The following CTNNA2 variants were observed in gnomAD, a reference collection of about 807,000 sequenced individuals.
The protein encoded by CTNNA2 is catenin alpha 2.
A neutral mutation model predicts 101.0 loss-of-function variants in CTNNA2; 42 were observed. The observed-to-expected ratio is 0.42, with a 90% confidence interval of 0.32 to 0.54. The LOEUF (loss-of-function observed/expected upper bound fraction) is 0.54, where lower values mean the gene tolerates loss of function less well. Ranked by LOEUF, CTNNA2 falls within the 20% of genes least tolerant of loss-of-function variation. CTNNA2 has a pLI of 0.14. For missense variants in CTNNA2, 871 were observed against 1,223.1 expected, an observed-to-expected ratio of 0.71 and a Z score of 4.29; for synonymous variants, 450 against 456.4, an observed-to-expected ratio of 0.99 and a Z score of 0.18.
At chr2:79,499,803 G>C (rs1671300158) in intron 4 of CTNNA2, among the ~76,000 whole-genome samples, 1 of 152,216 alleles carries the variant, frequency 6.6e-6, no homozygotes, top group Non-Finnish European at 1.5e-5. Context: ...TATTATCAGA[G>C]TTCTCCAGAG....
intron 7 of CTNNA2, among the ~76,000 whole-genome samples, chr2:80,238,712 A>G (rs1477003922): frequency 6.6e-6 from 1 of 152,172 alleles, no homozygotes; most frequent in Non-Finnish European, 1.5e-5. Context: ...GCTCTGAAAG[A>G]GAAATAGAGG....
chr2:79,280,515 C>G (rs966972165), intron 2 of CTNNA2, among the ~76,000 whole-genome samples: 2 of 151,896 alleles, frequency 1.3e-5, no homozygotes, highest in Non-Finnish European at 1.5e-5. Flanking sequence ...CTCCACTAGA[C>G]CAGTGATAAG....
chr2:79,729,179 C>G (rs1199752423), intron 2 of CTNNA2, among the ~76,000 whole-genome samples: 1 of 152,114 alleles, frequency 6.6e-6, no homozygotes, highest in Non-Finnish European at 1.5e-5. Flanking sequence ...GAATAAGTGG[C>G]TGGTCTGGGG....
intron 3 of CTNNA2, among the ~76,000 whole-genome samples, chr2:79,780,722 A>C (rs1021679055): frequency 6.6e-6 from 1 of 152,198 alleles, no homozygotes; most frequent in African/African-American, 2.4e-5. Context: ...AGTGCCATCT[A>C]TTATAAATTA....
At chr2:79,430,213 G>T (rs1237830561) in intron 4 of CTNNA2, among the ~76,000 whole-genome samples, 1 of 152,026 alleles carries the variant, frequency 6.6e-6, no homozygotes, top group Non-Finnish European at 1.5e-5. Context: ...ACACCAAAAA[G>T]GCTGTAATTC....
At chr2:79,265,939 C>T (rs191646689) in intron 2 of CTNNA2, among the ~76,000 whole-genome samples, 1 of 152,220 alleles carries the variant, frequency 6.6e-6, no homozygotes, top group East Asian at 1.9e-4. Context: ...TAGCAGATTA[C>T]TATTCTAGAG....
intron 12 of CTNNA2, among the ~76,000 whole-genome samples, chr2:80,566,295 C>CT (rs1284907009): frequency 2.6e-5 from 4 of 152,080 alleles, no homozygotes; most frequent in Non-Finnish European, 4.4e-5. Context: ...GGCATCCCAT[C>CT]TTTTTTTGCC....
chr2:80,519,990 A>T (rs1689404233), intron 9 of CTNNA2, among the ~76,000 whole-genome samples: 1 of 152,092 alleles, frequency 6.6e-6, no homozygotes, highest in Non-Finnish European at 1.5e-5. Context: ...TCTTTCTAAG[A>T]TGGGGTCACA....
At chr2:79,211,284 A>T (rs1674169016) in intron 2 of CTNNA2, among the ~76,000 whole-genome samples, 1 of 152,166 alleles carries the variant, frequency 6.6e-6, no homozygotes, top group Non-Finnish European at 1.5e-5. Flanking sequence ...GAGCTGAAAA[A>T]CACAGACTAT....
At chr2:79,254,514 C>T (rs1674816723) in intron 2 of CTNNA2, among the ~76,000 whole-genome samples, 1 of 152,196 alleles carries the variant, frequency 6.6e-6, no homozygotes, top group Non-Finnish European at 1.5e-5. Context: ...TCCTGCTTCG[C>T]CTTCTGCCAT....
At chr2:80,593,609 A>G (rs1209516810) in intron 15 of CTNNA2, among the ~76,000 whole-genome samples, 2 of 152,098 alleles carry the variant, frequency 1.3e-5, no homozygotes, top group East Asian at 1.9e-4. Context: ...TCTCCAGAAC[A>G]TGTTCATCTT....
intron 7 of CTNNA2, among the ~76,000 whole-genome samples, chr2:80,059,123 C>G (rs1697411337): frequency 6.6e-6 from 1 of 152,144 alleles, no homozygotes; most frequent in South Asian, 2.1e-4. Context: ...AAGGTAGACT[C>G]TTGGATTTAG....
Position 80,526,700 on chromosome 2 carries a change from T to G in CTNNA2, c.1291-18282T>G, listed in dbSNP as rs188672048. 3.8e-3 allele frequency among the ~76,000 whole-genome samples: 572 copies of G among 152,290 alleles called. 4 individuals carry two copies. The highest frequency in any genetic ancestry group is 0.012 in the African/African-American group (480 of 41,554). Reference sequence around the variant, plus strand: ...ATGACAGTACCTTCTTCGTGTGGTGTTCTGAGGATAAAACAAAAAAAGATA... The same window carrying G: ...ATGACAGTACCTTCTTCGTGTGGTGGTCTGAGGATAAAACAAAAAAAGATA... On this transcript the variant is annotated intron_variant, in intron 9 of 18. Coordinates refer to ENST00000402739, the MANE Select transcript of CTNNA2 (RefSeq NM_001282597.3).
intron 2 of CTNNA2, among the ~76,000 whole-genome samples, chr2:79,661,872 T>G (rs915003159): frequency 6.6e-6 from 1 of 151,880 alleles, no homozygotes; most frequent in South Asian, 2.1e-4. Flanking sequence ...AAAAGATAGA[T>G]CACATAATTA....
At chr2:79,828,322 A>G (rs549721514) in intron 3 of CTNNA2, among the ~76,000 whole-genome samples, 5 of 152,346 alleles carry the variant, frequency 3.3e-5, no homozygotes, top group Admixed American at 2.6e-4. Context: ...AGACATATCC[A>G]TTATGATTAT....
chr2:80,046,146 G>C (rs1696506805), intron 7 of CTNNA2, among the ~76,000 whole-genome samples: 1 of 152,130 alleles, frequency 6.6e-6, no homozygotes, highest in Non-Finnish European at 1.5e-5. Flanking sequence ...TCAGTCCCTT[G>C]TCCACAAATG....
chr2:79,779,982 C>T (rs1674300021), intron 3 of CTNNA2, among the ~76,000 whole-genome samples: 1 of 152,144 alleles, frequency 6.6e-6, no homozygotes, highest in Non-Finnish European at 1.5e-5. Flanking sequence ...ATAAGAGACA[C>T]TTACAATCTA....
intron 2 of CTNNA2, among the ~76,000 whole-genome samples, chr2:79,282,353 C>A (rs1386370643): frequency 6.6e-6 from 1 of 151,960 alleles, no homozygotes; most frequent in Non-Finnish European, 1.5e-5. Flanking sequence ...GTGCGCTGCA[C>A]CCACTAACTC....
At chr2:79,310,769 T>G (rs1039346432) in intron 2 of CTNNA2, among the ~76,000 whole-genome samples, 1 of 152,240 alleles carries the variant, frequency 6.6e-6, no homozygotes, top group African/African-American at 2.4e-5. Context: ...TGGGGGCAGA[T>G]ATTCTATAAT....
Sources: gnomAD v4.1 joint callset for allele counts (sites outside exome capture counted in the v4.1 genomes callset) on GRCh38, gnomAD v4.1.1 for gene constraint, MANE v1.5 for transcripts, NCBI Gene and HGNC (gene_info 2026-07-23, HGNC 2026-07-21) for gene names.